Variants in UBE2N observed in about 807,000 individuals in gnomAD.
UBE2N encodes the protein ubiquitin-conjugating enzyme E2 N.
For synonymous variants in UBE2N, 70 were observed against 69.2 expected (o/e 1.01, Z -0.06); for missense variants, 60 against 192.1 (o/e 0.31, Z 4.07).
intron 1 of UBE2N, among the ~76,000 whole-genome samples, chr12:93,436,165 G>A (rs1044038325): frequency 3.3e-5 from 5 of 152,076 alleles, no homozygotes; most frequent in African/African-American, 7.2e-5. Context: ...GCAGTGGCGC[G>A]ATCTAGGCTC....
chr12:93,440,051 T>G (rs182090487), intron 1 of UBE2N, among the ~76,000 whole-genome samples: 1 of 152,370 alleles, frequency 6.6e-6, no homozygotes, highest in East Asian at 1.9e-4. Context: ...GCTTTCATAT[T>G]ACTGGGCATA....
intron 1 of UBE2N, among the ~76,000 whole-genome samples, chr12:93,421,042 T>C (rs1377285779): frequency 1.3e-5 from 2 of 152,154 alleles, no homozygotes; most frequent in Non-Finnish European, 2.9e-5. Flanking sequence ...AAGTGCTACA[T>C]ATGTATTAGC....
intron 1 of UBE2N, among the ~76,000 whole-genome samples, chr12:93,437,893 T>C (rs557249666): frequency 6.6e-6 from 1 of 152,336 alleles, no homozygotes; most frequent in African/African-American, 2.4e-5. Flanking sequence ...GCCTTTCAAA[T>C]GTGCTCTATG....
At position 93,414,189 on chromosome 12, in the gene UBE2N, C is replaced by T. The variant is rs146050096; in HGVS notation, c.31-2890G>A. On this transcript the variant is annotated intron_variant, in intron 1 of 3. Coordinates refer to ENST00000318066, the MANE Select transcript of UBE2N (RefSeq NM_003348.4). ...AAAAGTCTGGGCATGGTGGCTCACA[C>T]CTGTAATCCCAGCATTTTGGGAGGC... 5.7e-3 allele frequency among the ~76,000 whole-genome samples: 858 copies of T among 150,622 alleles called. 6 individuals carry two copies. Among genetic ancestry groups the T allele is most frequent in the African/African-American group, 0.02 (819 of 40,890 alleles).
intron 1 of UBE2N, among the ~76,000 whole-genome samples, chr12:93,420,991 T>C (rs2121072635): frequency 6.6e-6 from 1 of 152,182 alleles, no homozygotes; most frequent in Middle Eastern, 3.4e-3. Flanking sequence ...AAAGAAAATC[T>C]CGGGTAACAG....
intron 1 of UBE2N, among the ~76,000 whole-genome samples, chr12:93,412,876 G>A (rs547465155): frequency 6.6e-6 from 1 of 152,312 alleles, no homozygotes; most frequent in South Asian, 2.1e-4. Context: ...GCTAAATTGT[G>A]GGAGCTAAGA....
At position 93,408,742 on chromosome 12, in the gene UBE2N, T is replaced by G. The variant is rs1877941703; in HGVS notation, c.*1297A>C. On this transcript the variant is annotated 3_prime_UTR_variant, in exon 4 of 4. Coordinates refer to ENST00000318066, the MANE Select transcript of UBE2N (RefSeq NM_003348.4). ...ACTGGAGGGATGAAAGCAAGAATCA[T>G]TAACTGAGGACTTGATACTCTCAAA... The G allele has an allele frequency of 6.6e-6, 1 of 152,200 alleles. No homozygotes were observed. Among genetic ancestry groups the G allele is most frequent in the African/African-American group, 2.4e-5 (1 of 41,438 alleles). The allele number at this position is 152,200 out of a possible 1,614,324, so 9.4% of individuals were successfully genotyped here. A position where few individuals can be genotyped will look rare whatever the true frequency, so the allele number is the denominator to read the frequency against.
At chr12:93,426,151 G>A (rs1878575793) in intron 1 of UBE2N, among the ~76,000 whole-genome samples, 2 of 152,138 alleles carry the variant, frequency 1.3e-5, no homozygotes, top group Admixed American at 1.3e-4. Context: ...TAAGCCAGAA[G>A]AGGAAATGAT....
chr12:93,410,546 T>C, intron 3 of UBE2N, 188 bp downstream of exon 3: 2 of 765,458 alleles, frequency 2.6e-6, no homozygotes, highest in East Asian at 2.7e-5. Flanking sequence ...CAATTACAGG[T>C]TGTCTTTATA....
chr12:93,422,087 CTTTT>C (rs142073709), intron 1 of UBE2N, among the ~76,000 whole-genome samples: 12,378 of 152,064 alleles, frequency 0.081, 1,578 homozygotes, highest in African/African-American at 0.27. Context: ...TCGTCTCCAT[CTTTT>C]TTCCCTCTTT....
At chr12:93,431,959 C>T (rs1194034657) in intron 1 of UBE2N, among the ~76,000 whole-genome samples, 6 of 152,142 alleles carry the variant, frequency 3.9e-5, no homozygotes, top group Admixed American at 3.3e-4. Context: ...CTCGGCTGGG[C>T]GCGGTGGCTC....
chr12:93,415,248 C>T (rs1878169636), intron 1 of UBE2N, among the ~76,000 whole-genome samples: 1 of 152,156 alleles, frequency 6.6e-6, no homozygotes, highest in South Asian at 2.1e-4. Flanking sequence ...TTTCATTCCA[C>T]AAGCTACAGG....
At chr12:93,412,344 T>C (rs1878053604) in intron 1 of UBE2N, among the ~76,000 whole-genome samples, 1 of 152,216 alleles carries the variant, frequency 6.6e-6, no homozygotes, top group South Asian at 2.1e-4. Context: ...ACTGTAGCAT[T>C]TGGACATTTC....
chr12:93,436,225 G>A (rs1353533297), intron 1 of UBE2N, among the ~76,000 whole-genome samples: 1 of 152,114 alleles, frequency 6.6e-6, no homozygotes, highest in African/African-American at 2.4e-5. Flanking sequence ...CCTGTCTCCT[G>A]AGTAGCTGGG....
chr12:93,439,238 G>C (rs1879026716), intron 1 of UBE2N, among the ~76,000 whole-genome samples: 1 of 152,228 alleles, frequency 6.6e-6, no homozygotes, highest in African/African-American at 2.4e-5. Flanking sequence ...TGTGATCCCA[G>C]CACTGTGGGA....
At chr12:93,429,819 A>C (rs750648846) in intron 1 of UBE2N, among the ~76,000 whole-genome samples, 46 of 152,224 alleles carry the variant, frequency 3.0e-4, no homozygotes, top group Non-Finnish European at 7.3e-5. Flanking sequence ...CTTATAGGAT[A>C]TAAAGAAAAT....
rs2121044075 is a variant in UBE2N, at chr12:93,407,330, TTAGAG to T, written c.*2704_*2708del. ...ACTATTTGTCTGTCCCCCTTCCCCA[TTAGAG>T]TATATGGTCCCCAAAGGAAAGCCCC... is the stretch of plus-strand genomic sequence containing the variant. On this transcript the variant is annotated 3_prime_UTR_variant, in exon 4 of 4. Transcript: ENST00000318066. 6.6e-6 allele frequency: 1 copy of T among 152,306 alleles called. No homozygotes were observed. The highest frequency in any genetic ancestry group is 6.5e-5 in the Admixed American group (1 of 15,292). The allele number at this position is 152,306 out of a possible 1,614,324, so 9.4% of individuals were successfully genotyped here.
intron 1 of UBE2N, among the ~76,000 whole-genome samples, chr12:93,439,139 TA>T (rs1473160558): frequency 6.6e-6 from 1 of 152,232 alleles, no homozygotes; most frequent in African/African-American, 2.4e-5. Flanking sequence ...ACATTTTCAT[TA>T]GATGAGAATG....
rs1269801868 is a variant in UBE2N, at chr12:93,405,706, TTTA to T, written c.*4330_*4332del. 2.6e-5 allele frequency: 4 copies of T among 152,314 alleles called. No individual in the cohort carries two copies. The highest frequency in any genetic ancestry group is 6.5e-5 in the Admixed American group (1 of 15,296). The allele number at this position is 152,314 out of a possible 1,614,324, so 9.4% of individuals were successfully genotyped here. ...TAGTCCAGGTGGTAGATGACAGATT[TTTA>T]TTATTTACACTTCTCTCAAATTATT... On this transcript the variant is annotated 3_prime_UTR_variant, in exon 4 of 4. Transcript: ENST00000318066.
Sources: gnomAD v4.1 joint callset for allele counts (sites outside exome capture counted in the v4.1 genomes callset) on GRCh38, gnomAD v4.1.1 for gene constraint, MANE v1.5 for transcripts, NCBI Gene and HGNC (gene_info 2026-07-23, HGNC 2026-07-21) for gene names.